The following CSMD1 variants were observed in gnomAD, a reference collection of about 807,000 sequenced individuals.
CSMD1 encodes the protein CUB and Sushi multiple domains 1.
Under a neutral mutation model 417.5 loss-of-function variants are expected in CSMD1, and 213 were observed. The ratio of observed to expected loss-of-function variants is 0.51; its 90% confidence interval spans 0.46 to 0.57. The LOEUF is 0.57. Among genes scored for constraint, CSMD1 ranks in the 20% least tolerant of loss-of-function variants. The pLI is 0.00. For missense variants in CSMD1, 6,923 were observed against 4,529.7 expected, an observed-to-expected ratio of 1.53 and a Z score of -15.17; for synonymous variants, 2,862 against 1,736.8, an observed-to-expected ratio of 1.65 and a Z score of -16.11.
At chr8:4,054,647 A>G (rs149091483) in intron 3 of CSMD1, among the ~76,000 whole-genome samples, 25 of 152,240 alleles carry the variant, frequency 1.6e-4, no homozygotes, top group Non-Finnish European at 1.0e-4. Flanking sequence ...TAGGTAATGA[A>G]CAGGTCCTTG....
intron 6 of CSMD1, among the ~76,000 whole-genome samples, chr8:3,743,307 T>G (rs1362647873): frequency 6.6e-6 from 1 of 152,260 alleles, no homozygotes; most frequent in African/African-American, 2.4e-5. Flanking sequence ...GGAGATGGCT[T>G]TCCTGGATGC....
At chr8:4,955,011 A>G (rs769989142) in intron 1 of CSMD1, among the ~76,000 whole-genome samples, 4 of 152,064 alleles carry the variant, frequency 2.6e-5, no homozygotes, top group Non-Finnish European at 4.4e-5. Context: ...TCTTTCTTAG[A>G]CGAGAAAGCC....
intron 1 of CSMD1, among the ~76,000 whole-genome samples, chr8:4,683,711 C>A (rs1287519742): frequency 5.3e-5 from 8 of 152,152 alleles, no homozygotes; most frequent in Non-Finnish European, 1.0e-4. Flanking sequence ...CACCAGGGGT[C>A]CTGATTTACT....
intron 2 of CSMD1, among the ~76,000 whole-genome samples, chr8:4,513,337 T>C (rs1212838519): frequency 6.6e-6 from 1 of 152,098 alleles, no homozygotes; most frequent in Non-Finnish European, 1.5e-5. Context: ...TAGTAAAACA[T>C]AAAGCAGCAA....
At chr8:3,224,414 G>A (rs56129751) in intron 27 of CSMD1, among the ~76,000 whole-genome samples, 41,702 of 152,066 alleles carry the variant, frequency 0.27, 5,854 homozygotes, top group East Asian at 0.31. Context: ...CTGAACAAGT[G>A]TTCAGGAAAT....
chr8:3,559,760 A>G (rs1333119211), intron 10 of CSMD1, among the ~76,000 whole-genome samples: 9 of 152,212 alleles, frequency 5.9e-5, no homozygotes, highest in Admixed American at 1.3e-4. Flanking sequence ...TACATTTCAA[A>G]TTTATTGTGG....
chr8:3,299,919 C>T (rs1010012963), intron 25 of CSMD1, among the ~76,000 whole-genome samples: 3 of 152,120 alleles, frequency 2.0e-5, no homozygotes, highest in Non-Finnish European at 4.4e-5. Flanking sequence ...CTTTTAGAGG[C>T]AATTTGGTAA....
intron 5 of CSMD1, among the ~76,000 whole-genome samples, chr8:3,772,162 G>A (rs115605722): frequency 0.018 from 1,263 of 69,716 alleles, 41 homozygotes; most frequent in African/African-American, 0.065. Flanking sequence ...TCTCAGAAAG[G>A]GCAACATATA....
chr8:4,607,245 T>C (rs990112929), intron 2 of CSMD1, among the ~76,000 whole-genome samples: 1 of 151,946 alleles, frequency 6.6e-6, no homozygotes, highest in Non-Finnish European at 1.5e-5. Flanking sequence ...AATTATAAGA[T>C]AATTCTGCTA....
chr8:4,400,609 G>A (rs1368742720), intron 3 of CSMD1, among the ~76,000 whole-genome samples: 1 of 152,204 alleles, frequency 6.6e-6, no homozygotes, highest in East Asian at 1.9e-4. Context: ...AAATAGGATG[G>A]CTGGGATCCA....
intron 43 of CSMD1, among the ~76,000 whole-genome samples, chr8:3,109,297 T>C (rs1319503812): frequency 1.3e-5 from 2 of 152,134 alleles, no homozygotes; most frequent in Admixed American, 6.5e-5. Context: ...AAAATAAAAA[T>C]GTCAACACCT....
chr8:4,194,173 A>T (rs1313579842), intron 3 of CSMD1, among the ~76,000 whole-genome samples: 4 of 152,184 alleles, frequency 2.6e-5, no homozygotes, highest in Non-Finnish European at 5.9e-5. Flanking sequence ...TTGCCCTATC[A>T]AGTCTGTACA....
chr8:3,304,436 C>G (rs567813813), intron 25 of CSMD1, among the ~76,000 whole-genome samples: 9 of 152,058 alleles, frequency 5.9e-5, no homozygotes, highest in Admixed American at 4.6e-4. Context: ...TATGGTTTTG[C>G]CAGATCACCA....
At chr8:4,773,448 G>A (rs975078071) in intron 1 of CSMD1, among the ~76,000 whole-genome samples, 3 of 152,128 alleles carry the variant, frequency 2.0e-5, no homozygotes, top group Admixed American at 6.5e-5. Context: ...GGGGAGGCCT[G>A]TGCACCCCAG....
intron 23 of CSMD1, among the ~76,000 whole-genome samples, chr8:3,319,263 T>G (rs1805985676): frequency 6.6e-6 from 1 of 152,222 alleles, no homozygotes; most frequent in Non-Finnish European, 1.5e-5. Flanking sequence ...CCCGAGCATT[T>G]GATTAACTAG....
intron 2 of CSMD1, among the ~76,000 whole-genome samples, chr8:4,523,395 A>G (rs933605653): frequency 5.3e-5 from 8 of 152,122 alleles, no homozygotes; most frequent in African/African-American, 1.9e-4. Flanking sequence ...TTCATTCCAG[A>G]TGAATTTTCC....
At chr8:3,668,289 G>T (rs1798809407) in intron 7 of CSMD1, among the ~76,000 whole-genome samples, 1 of 152,162 alleles carries the variant, frequency 6.6e-6, no homozygotes, top group Non-Finnish European at 1.5e-5. Context: ...CCTGTGTAAA[G>T]GAAGATATGA....
intron 4 of CSMD1, among the ~76,000 whole-genome samples, chr8:4,030,584 C>T (rs898758029): frequency 3.3e-5 from 5 of 152,172 alleles, no homozygotes; most frequent in African/African-American, 7.2e-5. Flanking sequence ...TTCTCCTAGA[C>T]CTCCAGGCCT....
In CSMD1 at chr8:2,959,963, G is replaced by T. The variant is rs530778014; in HGVS notation, c.9702+1178C>A. 2.0e-5 allele frequency among the ~76,000 whole-genome samples: 3 copies of T among 152,252 alleles called. No individual in the cohort carries two copies. In the South Asian group the frequency reaches 6.2e-4, roughly 32 times the overall value. On this transcript the variant is annotated intron_variant, in intron 62 of 69. Transcript: ENST00000635120. Reference sequence around the variant, plus strand: ...GTTAGTGTAACTAATTTGTTATAAGGAGGGTGAAGGATTTATCCAACCCTA... The same window carrying T: ...GTTAGTGTAACTAATTTGTTATAAGTAGGGTGAAGGATTTATCCAACCCTA...
Sources: allele counts gnomAD v4.1 joint callset (sites outside exome capture counted in the v4.1 genomes callset), GRCh38; gene constraint gnomAD v4.1.1; transcripts MANE v1.5; gene names NCBI Gene and HGNC (gene_info 2026-07-23, HGNC 2026-07-21).